ITSN1: variants seen among roughly 807,000 people sequenced by gnomAD.
ITSN1 encodes intersectin-1.
ITSN1 carries 58 observed loss-of-function variants against 239.8 expected under a neutral mutation model. The observed-to-expected ratio is 0.24, with a 90% CI of 0.20 to 0.30. The LOEUF (loss-of-function observed/expected upper bound fraction) is 0.30, where lower values mean the gene tolerates loss of function less well. Ranked by LOEUF, ITSN1 falls within the 10% of genes least tolerant of loss-of-function variation. The pLI, the probability that ITSN1 is intolerant of heterozygous loss-of-function variation, is 1.00. For synonymous variants in ITSN1, 780 were observed against 770.8 expected, an observed-to-expected ratio of 1.01 and a Z score of -0.20; for missense variants, 1,558 against 2,103.3, an observed-to-expected ratio of 0.74 and a Z score of 5.07.
chr21:33,750,672 C>T (rs1030980702), intron 6 of ITSN1, among the ~76,000 whole-genome samples: 20 of 152,192 alleles, frequency 1.3e-4, no homozygotes, highest in African/African-American at 4.8e-4. Flanking sequence ...TACTACTTTT[C>T]TTTAGCCACT....
chr21:33,742,964 T>C (rs1043660540), intron 5 of ITSN1, among the ~76,000 whole-genome samples: 1 of 152,078 alleles, frequency 6.6e-6, no homozygotes, highest in Non-Finnish European at 1.5e-5. Context: ...AGTAAATCAC[T>C]ACTTCAAAAC....
chr21:33,862,479 T>G (rs1980801114), intron 31 of ITSN1, among the ~76,000 whole-genome samples: 1 of 150,934 alleles, frequency 6.6e-6, no homozygotes, highest in Admixed American at 6.6e-5. Context: ...GGATGTGGGG[T>G]TGGGAGAAGG....
rs1458265060 is a variant in ITSN1, at chr21:33,889,489, G to C, written c.*1189G>C. Reference sequence around the variant, plus strand: ...CTTGTTGCAAGAGTCAGGACTTTATGACTATGTGCCAAGCTGTTTGGTTTG... The same window carrying C: ...CTTGTTGCAAGAGTCAGGACTTTATCACTATGTGCCAAGCTGTTTGGTTTG... On this transcript the variant is annotated 3_prime_UTR_variant, in exon 40 of 40. Coordinates refer to ENST00000381318, the MANE Select transcript of ITSN1 (RefSeq NM_003024.3). 6.6e-6 allele frequency: 1 copy of C among 152,178 alleles called. No individual in the cohort carries two copies. The highest frequency in any genetic ancestry group is 1.5e-5 in the Non-Finnish European group (1 of 68,034). 9.4% of individuals were successfully genotyped at this position (152,178 alleles called of 1,614,324 possible).
intron 18 of ITSN1, among the ~76,000 whole-genome samples, chr21:33,799,477 G>A (rs2071810826): frequency 6.6e-6 from 1 of 152,132 alleles, no homozygotes; most frequent in South Asian, 2.1e-4. Flanking sequence ...GAGGAGGGCG[G>A]GTATTGATGC....
chr21:33,753,623 G>A (rs1020686498), intron 7 of ITSN1, among the ~76,000 whole-genome samples: 120 of 151,834 alleles, frequency 7.9e-4, no homozygotes, highest in African/African-American at 2.8e-3. Context: ...TTAGCTGGGC[G>A]TGGTGGCGGG....
At chr21:33,774,057 T>G (rs549367007) in intron 12 of ITSN1, among the ~76,000 whole-genome samples, 1 of 152,162 alleles carries the variant, frequency 6.6e-6, no homozygotes, top group African/African-American at 2.4e-5. Flanking sequence ...AAACTTTTCT[T>G]CAACGTACCA....
chr21:33,702,171 A>G (rs2092051889), intron 1 of ITSN1, among the ~76,000 whole-genome samples: 1 of 150,484 alleles, frequency 6.6e-6, no homozygotes, highest in South Asian at 2.1e-4. Context: ...GCTGGAGTGC[A>G]GTGGCACTAT....
chr21:33,750,571 T>C (rs111931235), intron 6 of ITSN1, among the ~76,000 whole-genome samples: 5 of 152,340 alleles, frequency 3.3e-5, no homozygotes, highest in African/African-American at 1.2e-4. Context: ...AGCTCAGCAG[T>C]GAAAGCCACA....
chr21:33,766,103 A>T, intron 10 of ITSN1, 91 bp downstream of exon 10: 1 of 1,356,456 alleles, frequency 7.4e-7, no homozygotes, highest in Non-Finnish European at 1.0e-6. Flanking sequence ...CCTGATTTTC[A>T]TCCCTGACAA....
chr21:33,838,504 A>C, intron 29 of ITSN1: 1 of 970,046 alleles, frequency 1.0e-6, no homozygotes. Flanking sequence ...AGTTAGATGG[A>C]AATGTCTCTG....
chr21:33,871,330 T>C (rs1038371737), intron 33 of ITSN1, among the ~76,000 whole-genome samples: 1 of 151,722 alleles, frequency 6.6e-6, no homozygotes, highest in African/African-American at 2.4e-5. Context: ...CTAAACTCAC[T>C]GAGCAATCCT....
Position 33,668,186 on chromosome 21 carries a change from C to G in ITSN1, c.-33+25473C>G, listed in dbSNP as rs573180849. The stretch of plus-strand genomic sequence containing the variant: ...TAGCACTTACTGCCTTTGAACTTCT[C>G]TGAGGGTTTTTACTACCAACTAGAA... On this transcript the variant is annotated intron_variant, in intron 1 of 39. Coordinates refer to ENST00000381318, the MANE Select transcript of ITSN1 (RefSeq NM_003024.3). Among the ~76,000 whole-genome samples, 7 of 152,276 alleles carry G rather than the reference C, an allele frequency of 4.6e-5. No homozygotes were observed. The South Asian group carries it at 1.2e-3, about 27-fold the overall frequency.
At chr21:33,653,350 T>C (rs1259962239) in intron 1 of ITSN1, among the ~76,000 whole-genome samples, 1 of 152,140 alleles carries the variant, frequency 6.6e-6, no homozygotes, top group Non-Finnish European at 1.5e-5. Context: ...GAGTACACGC[T>C]GTATATGCCT....
At chr21:33,650,233 A>G (rs2088386441) in intron 1 of ITSN1, among the ~76,000 whole-genome samples, 1 of 152,128 alleles carries the variant, frequency 6.6e-6, no homozygotes, top group Non-Finnish European at 1.5e-5. Context: ...GTCTGGTGGC[A>G]TGCATTTGCA....
chr21:33,885,330 A>T lies in ITSN1; in HGVS notation c.4760-109A>T, dbSNP rs1985605200. 7 of 1,156,742 alleles carry T rather than the reference A, an allele frequency of 6.1e-6. No homozygotes were observed. The Admixed American group carries it at 1.3e-4, about 21-fold the overall frequency. The allele number at this position is 1,156,742 out of a possible 1,614,324, so 71.7% of individuals were successfully genotyped here. On this transcript the variant is annotated intron_variant, in intron 37 of 39. Coordinates refer to ENST00000381318, the MANE Select transcript of ITSN1 (RefSeq NM_003024.3). ...AGCAAGTGTTTAAGGAGAGGGAAGA[A>T]TTACTTTTGAGTCGGGAGAGGTACA...
chr21:33,730,218 C>G (rs1048882688), intron 4 of ITSN1, among the ~76,000 whole-genome samples: 13 of 151,958 alleles, frequency 8.6e-5, no homozygotes, highest in African/African-American at 3.1e-4. Flanking sequence ...GTCACTCCCT[C>G]TTCTATCCCT....
intron 1 of ITSN1, among the ~76,000 whole-genome samples, chr21:33,645,906 A>G (rs1021587933): frequency 6.6e-6 from 1 of 152,214 alleles, no homozygotes; most frequent in Non-Finnish European, 1.5e-5. Context: ...CTAATAAAAA[A>G]CAATTGACTG....
intron 33 of ITSN1, among the ~76,000 whole-genome samples, chr21:33,872,734 G>C (rs1982969576): frequency 6.6e-6 from 1 of 152,154 alleles, no homozygotes; most frequent in Non-Finnish European, 1.5e-5. Context: ...GTTTGACCAT[G>C]TTGGCCAGGC....
At chr21:33,721,707 T>C (rs2065494457) in intron 3 of ITSN1, among the ~76,000 whole-genome samples, 1 of 150,954 alleles carries the variant, frequency 6.6e-6, no homozygotes, top group Non-Finnish European at 1.5e-5. Flanking sequence ...GGCAGGAGAA[T>C]TGTTTGAACC....
Sources: allele counts gnomAD v4.1 joint callset (sites outside exome capture counted in the v4.1 genomes callset), GRCh38; gene constraint gnomAD v4.1.1; transcripts MANE v1.5; gene names NCBI Gene and HGNC (gene_info 2026-07-23, HGNC 2026-07-21).